Variants in CCSER1 observed in about 807,000 individuals in gnomAD.
The protein encoded by CCSER1 is serine-rich coiled-coil domain-containing protein 1.
A neutral mutation model predicts 82.0 loss-of-function variants in CCSER1; 41 were observed. The ratio of observed to expected loss-of-function variants is 0.50; its 90% CI spans 0.39 to 0.65. The LOEUF is 0.65. CCSER1 is among the 30% of genes least tolerant of loss of function. The pLI, the probability that CCSER1 is intolerant of heterozygous loss-of-function variation, is 0.00. For missense variants in CCSER1, 1,119 were observed against 1,064.2 expected, an observed-to-expected ratio of 1.05 and a Z score of -0.72; for synonymous variants, 414 against 383.9, an observed-to-expected ratio of 1.08 and a Z score of -0.92.
rs947387651 is a variant in CCSER1, at chr4:91,522,310, C to T, written c.2218-76262C>T. Reference sequence around the variant, plus strand: ...TGTAGTATAGTTTGAAGTCAGGTAGCGTGATGCCTCAGCTTTGTTCTTTTT... The same window carrying T: ...TGTAGTATAGTTTGAAGTCAGGTAGTGTGATGCCTCAGCTTTGTTCTTTTT... On this transcript the variant is annotated intron_variant, in intron 10 of 10. Coordinates refer to ENST00000509176, the MANE Select transcript of CCSER1 (RefSeq NM_001145065.2). Among the ~76,000 whole-genome samples the T allele has an allele frequency of 2.6e-5, 4 of 152,192 alleles. 1 individual carries two copies. The highest frequency in any genetic ancestry group is 4.1e-4 in the South Asian group (2 of 4,822).
At chr4:90,781,428 T>A in intron 7 of CCSER1, 1 of 985,314 alleles carries the variant, frequency 1.0e-6, no homozygotes, top group Non-Finnish European at 1.2e-6. Context: ...CTAACCTAAC[T>A]CATGGCATTT....
rs550798135 is a variant in CCSER1, at chr4:90,292,563, A to T, written c.-41-15681A>T. On this transcript the variant is annotated intron_variant, in intron 1 of 10. Coordinates refer to ENST00000509176, the MANE Select transcript of CCSER1 (RefSeq NM_001145065.2). ...AACCCAAGATTCTGTTTTTCACATG[A>T]TTGTAACAGAATTAGTACACAATGC... Among the ~76,000 whole-genome samples the T allele has an allele frequency of 6.6e-5, 10 of 152,074 alleles. No individual in the cohort carries two copies. In the South Asian group the frequency reaches 1.9e-3, roughly 28 times the overall value.
chr4:90,579,586 A>G (rs1781187781), intron 5 of CCSER1, among the ~76,000 whole-genome samples: 1 of 152,054 alleles, frequency 6.6e-6, no homozygotes, highest in African/African-American at 2.4e-5. Flanking sequence ...TATTTTCCAT[A>G]CCTCCTTGCA....
chr4:90,941,841 G>T (rs538992307), intron 9 of CCSER1, among the ~76,000 whole-genome samples: 1 of 151,926 alleles, frequency 6.6e-6, no homozygotes. Flanking sequence ...TGAATAGATC[G>T]ATGTATATAT....
intron 5 of CCSER1, among the ~76,000 whole-genome samples, chr4:90,510,200 C>T (rs994368718): frequency 1.4e-4 from 22 of 152,194 alleles, no homozygotes; most frequent in East Asian, 5.8e-4. Flanking sequence ...TTACCAATAA[C>T]GTCATGCATT....
In CCSER1 at chr4:90,976,568, A is replaced by C. The variant is rs558024483; in HGVS notation, c.2172+53121A>C. 2.6e-4 allele frequency among the ~76,000 whole-genome samples: 39 copies of C among 151,486 alleles called. No homozygotes were observed. The South Asian group carries it at 7.7e-3, about 30-fold the overall frequency. On this transcript the variant is annotated intron_variant, in intron 9 of 10. Transcript: ENST00000509176. ...GAAATCCACCTTAAAATATAAACCAAGATTGTGTAAATATTTTAAGATTAA... is the reference window on the plus strand; with the variant it reads ...GAAATCCACCTTAAAATATAAACCACGATTGTGTAAATATTTTAAGATTAA...
intron 10 of CCSER1, among the ~76,000 whole-genome samples, chr4:91,200,295 T>G (rs1444125638): frequency 6.6e-6 from 1 of 150,438 alleles, no homozygotes; most frequent in Non-Finnish European, 1.5e-5. Context: ...TTACCACAAA[T>G]TTTTTTTGGA....
At chr4:90,339,548 A>G (rs1467255712) in intron 3 of CCSER1, among the ~76,000 whole-genome samples, 2 of 151,990 alleles carry the variant, frequency 1.3e-5, no homozygotes, top group Non-Finnish European at 2.9e-5. Flanking sequence ...TCGCTCCACT[A>G]ACCACTTTAT....
chr4:91,126,425 A>G (rs2148900104), intron 10 of CCSER1, among the ~76,000 whole-genome samples: 1 of 151,996 alleles, frequency 6.6e-6, no homozygotes, highest in Non-Finnish European at 1.5e-5. Flanking sequence ...TAATATATGG[A>G]TTTTTATGAT....
chr4:90,334,937 A>G (rs1470912756), intron 3 of CCSER1, among the ~76,000 whole-genome samples: 1 of 152,174 alleles, frequency 6.6e-6, no homozygotes, highest in Non-Finnish European at 1.5e-5. Flanking sequence ...AAATATCCTC[A>G]TAGTCTTGCA....
chr4:90,480,197 A>G (rs1765723126), intron 5 of CCSER1, among the ~76,000 whole-genome samples: 3 of 152,256 alleles, frequency 2.0e-5, no homozygotes, highest in Admixed American at 1.3e-4. Context: ...GTCTGTTCAT[A>G]TCCTTCGACC....
intron 10 of CCSER1, among the ~76,000 whole-genome samples, chr4:91,596,411 C>T (rs1764579934): frequency 6.6e-6 from 1 of 152,020 alleles, no homozygotes; most frequent in African/African-American, 2.4e-5. Flanking sequence ...TTGCATTCAT[C>T]CCCAATTTTT....
chr4:91,306,562 A>C (rs1445868505), intron 10 of CCSER1, among the ~76,000 whole-genome samples: 1 of 152,054 alleles, frequency 6.6e-6, no homozygotes, highest in Non-Finnish European at 1.5e-5. Context: ...GAAGCTCCTC[A>C]TCTTAATACC....
intron 10 of CCSER1, among the ~76,000 whole-genome samples, chr4:91,468,760 T>A (rs953166845): frequency 6.6e-6 from 1 of 152,070 alleles, no homozygotes; most frequent in African/African-American, 2.4e-5. Context: ...AAAGAATTAA[T>A]CAGTTTACTT....
intron 6 of CCSER1, among the ~76,000 whole-genome samples, chr4:90,691,556 ATG>A (rs70963079): frequency 0.34 from 51,046 of 151,554 alleles, 9,180 homozygotes; most frequent in East Asian, 0.5. Context: ...TACATATCAC[ATG>A]TGTGTATATC....
At chr4:90,757,938 T>C (rs886822335) in intron 7 of CCSER1, among the ~76,000 whole-genome samples, 8 of 151,400 alleles carry the variant, frequency 5.3e-5, no homozygotes, top group East Asian at 1.9e-4. Flanking sequence ...CTTTTCTTTT[T>C]TTTTTTTTTT....
Position 90,872,797 on chromosome 4 carries a change from G to A in CCSER1, c.2095-50573G>A, listed in dbSNP as rs78458262. ...CTCTATTTAGCATTTATTGTAGAAC[G>A]TGTCTAGTGTTGAAAAAAATCCCTC... On this transcript the variant is annotated intron_variant, in intron 8 of 10. Coordinates refer to ENST00000509176, the MANE Select transcript of CCSER1 (RefSeq NM_001145065.2). Among the ~76,000 whole-genome samples the A allele has an allele frequency of 5.5e-4, 84 of 151,832 alleles. 1 individual carries two copies. In the East Asian group the frequency reaches 0.012, roughly 22 times the overall value.
At chr4:91,070,681 T>G (rs527881287) in intron 9 of CCSER1, among the ~76,000 whole-genome samples, 4 of 152,132 alleles carry the variant, frequency 2.6e-5, no homozygotes, top group Non-Finnish European at 5.9e-5. Flanking sequence ...GGGCACTCCT[T>G]ATGAGAATCT....
At chr4:90,473,700 A>G (rs765065883) in intron 5 of CCSER1, among the ~76,000 whole-genome samples, 41 of 152,206 alleles carry the variant, frequency 2.7e-4, no homozygotes, top group Non-Finnish European at 5.4e-4. Context: ...GATTTGGAAC[A>G]GTTAAGTACT....
Sources: gnomAD v4.1 joint callset for allele counts (sites outside exome capture counted in the v4.1 genomes callset) on GRCh38, gnomAD v4.1.1 for gene constraint, MANE v1.5 for transcripts, NCBI Gene and HGNC (gene_info 2026-07-23, HGNC 2026-07-21) for gene names.